CXXC5: variants seen among roughly 807,000 people sequenced by gnomAD.
CXXC5 encodes CXXC-type zinc finger protein 5.
Under a neutral mutation model 17.6 loss-of-function variants are expected in CXXC5, and 2 were observed. That is an observed-to-expected ratio of 0.11 (90% CI 0.05 to 0.36). The LOEUF (loss-of-function observed/expected upper bound fraction) is 0.36, where lower values mean the gene tolerates loss of function less well. Ranked by LOEUF, CXXC5 falls within the 10% of genes least tolerant of loss-of-function variation. The pLI, the probability that CXXC5 is intolerant of heterozygous loss-of-function variation, is 1.00. For synonymous variants in CXXC5, 171 were observed against 193.0 expected (o/e 0.89, Z 0.94); for missense variants, 343 against 458.3 (o/e 0.75, Z 2.30).
chr5:139,659,203 C>T (rs1229678394), intron 1 of CXXC5, among the ~76,000 whole-genome samples: 2 of 152,118 alleles, frequency 1.3e-5, no homozygotes, highest in Non-Finnish European at 2.9e-5. Flanking sequence ...GGGAGGATTC[C>T]TCTGCTGCAG....
chr5:139,669,581 C>A (rs1263125170), intron 1 of CXXC5, among the ~76,000 whole-genome samples: 1 of 152,140 alleles, frequency 6.6e-6, no homozygotes, highest in Non-Finnish European at 1.5e-5. Context: ...GGGGAGTGAT[C>A]GGTGCCCACA....
At chr5:139,648,011 C>T (rs1471234300), upstream of CXXC5, 1 of 151,198 alleles carries the variant, frequency 6.6e-6, no homozygotes, top group Non-Finnish European at 1.5e-5. Context: ...GGAGGTGCGT[C>T]TCTAAACCCA....
Position 139,680,688 on chromosome 5 carries a change from C to T in CXXC5, c.165C>T (p.Pro55=). 6.2e-7 allele frequency: 1 copy of T among 1,613,376 alleles called. No homozygotes were observed. The highest frequency in any genetic ancestry group is 8.5e-7 in the Non-Finnish European group (1 of 1,180,024). The part of the protein sequence containing the change: ...APASVADDTP[P]PERRNKSGII... The stretch of plus-strand genomic sequence containing the variant: ...CCTCAGTGGCAGATGACACACCACC[C>T]CCCGAGCGTCGGAACAAGAGCGGTA... The change falls in exon 2 of 3, where the codon CCC becomes CCT. Residue 55 remains proline (P), a synonymous_variant. Coordinates refer to ENST00000302517, the MANE Select transcript of CXXC5 (RefSeq NM_016463.9).
intron 1 of CXXC5, among the ~76,000 whole-genome samples, chr5:139,659,290 C>T (rs1002613549): frequency 6.6e-6 from 1 of 152,058 alleles, no homozygotes; most frequent in Non-Finnish European, 1.5e-5. Context: ...CAGTGAGGCG[C>T]GGTGTCCAGC....
At chr5:139,666,908 A>G (rs142341706) in intron 1 of CXXC5, among the ~76,000 whole-genome samples, 26 of 152,340 alleles carry the variant, frequency 1.7e-4, no homozygotes, top group Non-Finnish European at 3.5e-4. Flanking sequence ...TGAAGAATAC[A>G]GGAGATGATA....
intron 1 of CXXC5, among the ~76,000 whole-genome samples, chr5:139,655,975 C>G (rs1238579483): frequency 2.6e-5 from 4 of 152,366 alleles, no homozygotes; most frequent in Non-Finnish European, 5.9e-5. Flanking sequence ...CCAGGCCTGC[C>G]TGGTGGCCCC....
At chr5:139,654,042 G>C (rs1357592236) in intron 1 of CXXC5, among the ~76,000 whole-genome samples, 1 of 152,108 alleles carries the variant, frequency 6.6e-6, no homozygotes, top group South Asian at 2.1e-4. Flanking sequence ...GGTGTTACCT[G>C]GTATGGGGGC....
chr5:139,650,463 C>T (rs1354053687), intron 1 of CXXC5, among the ~76,000 whole-genome samples: 1 of 152,198 alleles, frequency 6.6e-6, no homozygotes, highest in Non-Finnish European at 1.5e-5. Context: ...GATCGCTCGG[C>T]CCTCGCCCCC....
chr5:139,656,923 C>T (rs1217305058), intron 1 of CXXC5, among the ~76,000 whole-genome samples: 1 of 152,184 alleles, frequency 6.6e-6, no homozygotes, highest in Admixed American at 6.5e-5. Flanking sequence ...TGGGGTTTCT[C>T]CATGTTGGCC....
intron 1 of CXXC5, among the ~76,000 whole-genome samples, chr5:139,657,539 C>T (rs1436771366): frequency 2.6e-5 from 4 of 152,266 alleles, no homozygotes; most frequent in African/African-American, 7.2e-5. Flanking sequence ...TAGGGGGTTG[C>T]TGGTGAACAG....
Position 139,648,859 on chromosome 5 carries a change from C to T in CXXC5, c.-161+14C>T, listed in dbSNP as rs1225026287. On this transcript the variant is annotated intron_variant, in intron 1 of 2. Coordinates refer to ENST00000302517, the MANE Select transcript of CXXC5 (RefSeq NM_016463.9). Reference sequence around the variant, plus strand: ...CTCGGAGAGCCGGTAGGTGTCGGGCCACGGCCCTCCCTCGACCCCCCCCGG... The same window carrying T: ...CTCGGAGAGCCGGTAGGTGTCGGGCTACGGCCCTCCCTCGACCCCCCCCGG... 1.3e-5 allele frequency: 2 copies of T among 152,410 alleles called. No individual in the cohort carries two copies. Among genetic ancestry groups the T allele is most frequent in the African/African-American group, 2.4e-5 (1 of 41,400 alleles). 9.4% of individuals were successfully genotyped at this position (152,410 alleles called of 1,614,324 possible).
intron 1 of CXXC5, among the ~76,000 whole-genome samples, chr5:139,673,857 A>AGG (rs1756627510): frequency 6.8e-6 from 1 of 147,040 alleles, no homozygotes; most frequent in Non-Finnish European, 1.5e-5. Context: ...AAAAAAAAAG[A>AGG]GAGAGAGAAA....
intron 1 of CXXC5, among the ~76,000 whole-genome samples, chr5:139,674,077 G>T (rs542949283): frequency 2.0e-5 from 3 of 152,146 alleles, no homozygotes; most frequent in Non-Finnish European, 4.4e-5. Context: ...CCACCCTCTG[G>T]GTGCTCGCAG....
At chr5:139,660,038 G>A (rs928901734) in intron 1 of CXXC5, among the ~76,000 whole-genome samples, 1 of 152,094 alleles carries the variant, frequency 6.6e-6, no homozygotes, top group Non-Finnish European at 1.5e-5. Flanking sequence ...CAGCCGGGTG[G>A]GCAGGCAGGC....
intron 2 of CXXC5, among the ~76,000 whole-genome samples, chr5:139,681,764 A>G (rs556176683): frequency 1.3e-5 from 2 of 152,324 alleles, no homozygotes; most frequent in African/African-American, 4.8e-5. Context: ...AGATTTCCAT[A>G]CAGGTCCTAA....
intron 1 of CXXC5, among the ~76,000 whole-genome samples, chr5:139,677,967 C>T (rs1388028113): frequency 4.6e-5 from 7 of 152,246 alleles, no homozygotes; most frequent in African/African-American, 1.2e-4. Flanking sequence ...GCAGGAACAG[C>T]GTTAATGCAG....
rs975708924 is a variant in CXXC5 at position 139,671,618 on chromosome 5, C to T, written c.-160-8746C>T. ...GGTTTCCGTCCCGTTCTGCTTCCTG[C>T]GGAGGCTGCGGAATGCCCGGAGCTC... is the stretch of plus-strand genomic sequence containing the variant. On this transcript the variant is annotated intron_variant, in intron 1 of 2. Coordinates refer to ENST00000302517, the MANE Select transcript of CXXC5 (RefSeq NM_016463.9). 1.3e-4 allele frequency among the ~76,000 whole-genome samples: 20 copies of T among 152,230 alleles called. 1 individual carries two copies. The highest frequency in any genetic ancestry group is 1.1e-3 in the Admixed American group (17 of 15,284).
Position 139,654,790 on chromosome 5 carries a change from T to G in CXXC5, c.-161+5945T>G, listed in dbSNP as rs184796592. Among the ~76,000 whole-genome samples the G allele has an allele frequency of 1.3e-3, 199 of 152,346 alleles. 1 individual carries two copies. Among genetic ancestry groups the G allele is most frequent in the African/African-American group, 4.7e-3 (197 of 41,568 alleles). ...TTCAAGGTGTTACTTGCCTTCTTTC[T>G]TTCCTCACCCCAAGCCTAGGGTGGG... On this transcript the variant is annotated intron_variant, in intron 1 of 2. Transcript: ENST00000302517.
In CXXC5 at chr5:139,658,097, G is replaced by C. The variant is rs1755587067; in HGVS notation, c.-161+9252G>C. Among the ~76,000 whole-genome samples, 2 of 152,154 alleles carry C rather than the reference G, an allele frequency of 1.3e-5. No homozygotes were observed. The highest frequency in any genetic ancestry group is 2.1e-4 in the South Asian group (1 of 4,822). ...AGTTCCTGTTGACTCTGATGGGAGA[G>C]ACCCAGCCCCTCTCCTGCCTGACCC... On this transcript the variant is annotated intron_variant, in intron 1 of 2. Coordinates refer to ENST00000302517, the MANE Select transcript of CXXC5 (RefSeq NM_016463.9). This position sits in a 1 kb window ranked among gnomAD's most constrained non-coding sequence, Gnocchi z 4.1.
Sources: allele counts gnomAD v4.1 joint callset (sites outside exome capture counted in the v4.1 genomes callset), GRCh38; gene constraint gnomAD v4.1.1; non-coding constraint Gnocchi (gnomAD v3.1); transcripts MANE v1.5; gene names NCBI Gene and HGNC (gene_info 2026-07-23, HGNC 2026-07-21).